NTMT1: variants seen among roughly 807,000 people sequenced by gnomAD.
The protein encoded by NTMT1 is N-terminal Xaa-Pro-Lys N-methyltransferase 1.
NTMT1 carries 8 observed loss-of-function variants against 17.5 expected under a neutral mutation model. The observed-to-expected ratio is 0.46, with a 90% CI of 0.27 to 0.82. The LOEUF (loss-of-function observed/expected upper bound fraction) is 0.82. Ranked by LOEUF, NTMT1 falls within the 40% of genes least tolerant of loss-of-function variation. NTMT1 has a pLI of 0.15. For synonymous variants in NTMT1, 128 were observed against 126.8 expected (o/e 1.01, Z -0.06); for missense variants, 221 against 303.5 (o/e 0.73, Z 2.02).
intron 2 of NTMT1, 97 bp downstream of exon 2, chr9:129,632,962 G>A: frequency 7.1e-7 from 1 of 1,402,482 alleles, no homozygotes; most frequent in Non-Finnish European, 9.8e-7. Context: ...TAACACTGCA[G>A]GATTGTTGGC....
intron 1 of NTMT1, among the ~76,000 whole-genome samples, chr9:129,610,296 C>A (rs1378595279): frequency 6.2e-5 from 8 of 129,564 alleles, no homozygotes; most frequent in Admixed American, 7.9e-5. Flanking sequence ...TCCCTGCAGG[C>A]CCCGCCCCCC....
In NTMT1 at chr9:129,613,631, C is replaced by T; in HGVS notation, c.-55+4453C>T. On this transcript the variant is annotated intron_variant, in intron 1 of 3. Transcript: ENST00000372486. The surrounding 1 kb of genome is among the most constrained non-coding windows in gnomAD (Gnocchi z 6.2). ...AAGAGGGCAGGGTGAGATCTCTGCC[C>T]AGGAGGAGGGCACTGGTGCCCCCAC... The T allele has an allele frequency of 2.5e-6, 4 of 1,612,756 alleles. No individual in the cohort carries two copies. Among genetic ancestry groups the T allele is most frequent in the Non-Finnish European group, 3.4e-6 (4 of 1,179,368 alleles).
intron 1 of NTMT1, among the ~76,000 whole-genome samples, chr9:129,610,366 G>A (rs1830086566): frequency 6.6e-6 from 1 of 151,450 alleles, no homozygotes; most frequent in Admixed American, 6.6e-5. Flanking sequence ...TCGCGGGGGC[G>A]CCGAGACCCG....
At position 129,620,546 on chromosome 9, in the gene NTMT1, GC is replaced by G. The variant is rs1271320098; in HGVS notation, c.-55+11372del. On this transcript the variant is annotated intron_variant, in intron 1 of 3. Coordinates refer to the NTMT1 transcript ENST00000372486. This position sits in a 1 kb window ranked among gnomAD's most constrained non-coding sequence, Gnocchi z 5.8. ...GAGCCCCTTGGGCGCCAGGTCCTGG[GC>G]CCCTGGGCGAAGTCGACGCCAGAAC... 5.0e-6 allele frequency: 7 copies of G among 1,402,976 alleles called. No homozygotes were observed. Among genetic ancestry groups the G allele is most frequent in the South Asian group, 1.5e-5 (1 of 64,656 alleles). The allele number at this position is 1,402,976 out of a possible 1,614,324, so 86.9% of individuals were successfully genotyped here. A position where few individuals can be genotyped will look rare whatever the true frequency, so the allele number is the denominator to read the frequency against.
intron 1 of NTMT1, chr9:129,619,890 T>G (rs1588124048): frequency 1.3e-6 from 2 of 1,575,782 alleles, no homozygotes; most frequent in African/African-American, 2.7e-5. Flanking sequence ...TCTAGTCATG[T>G]GGCCTCGGGG....
At chr9:129,633,765 C>T (rs1274857145) in intron 2 of NTMT1, 5 of 295,738 alleles carry the variant, frequency 1.7e-5, no homozygotes, top group Admixed American at 1.0e-4. Context: ...CCCAGGAGTT[C>T]GAGGCTACAG....
intron 1 of NTMT1, among the ~76,000 whole-genome samples, chr9:129,619,199 G>C (rs780715423): frequency 2.6e-5 from 4 of 152,308 alleles, no homozygotes; most frequent in Non-Finnish European, 5.9e-5. Flanking sequence ...TCATGAACGG[G>C]TTGTAGAAGA....
At chr9:129,631,409 G>A (rs1345206679) in intron 1 of NTMT1, among the ~76,000 whole-genome samples, 3 of 152,234 alleles carry the variant, frequency 2.0e-5, no homozygotes, top group South Asian at 2.1e-4. Flanking sequence ...ATGGCCACCC[G>A]TGGAGCACGG....
At chr9:129,611,617 G>A (rs1400550868) in intron 1 of NTMT1, among the ~76,000 whole-genome samples, 1 of 152,180 alleles carries the variant, frequency 6.6e-6, no homozygotes, top group East Asian at 1.9e-4. Flanking sequence ...GAGGCTTGGT[G>A]GGGGAGGACA....
In NTMT1 at chr9:129,620,106, G is replaced by A; in HGVS notation, c.-55+10928G>A. On this transcript the variant is annotated intron_variant, in intron 1 of 3. Transcript: ENST00000372486. This position sits in a 1 kb window ranked among gnomAD's most constrained non-coding sequence, Gnocchi z 5.8. ...TCCTCGGCGCACTTCTCCTGGAGCT[G>A]GTGCAGGAACTCACGGAACCTGCTG... 1.4e-6 allele frequency: 2 copies of A among 1,451,244 alleles called. No homozygotes were observed. Among genetic ancestry groups the A allele is most frequent in the Non-Finnish European group, 1.8e-6 (2 of 1,099,488 alleles). 89.9% of individuals were successfully genotyped at this position (1,451,244 alleles called of 1,614,324 possible).
At chr9:129,632,940 C>A in intron 2 of NTMT1, 75 bp downstream of exon 2, 1 of 1,501,824 alleles carries the variant, frequency 6.7e-7, no homozygotes, top group Non-Finnish European at 9.1e-7. Flanking sequence ...GGGGTGCCAC[C>A]TTTTACACAT....
At chr9:129,628,409 T>G (rs963426322) in intron 1 of NTMT1, 1 of 152,190 alleles carries the variant, frequency 6.6e-6, no homozygotes, top group Non-Finnish European at 1.5e-5. Flanking sequence ...TAAATTAGAT[T>G]ATTCAGGGGA....
At position 129,613,679 on chromosome 9, in the gene NTMT1, G is replaced by A; in HGVS notation, c.-55+4501G>A. 6.4e-7 allele frequency: 1 copy of A among 1,559,124 alleles called. No homozygotes were observed. Among genetic ancestry groups the A allele is most frequent in the African/African-American group, 1.3e-5 (1 of 74,208 alleles). On this transcript the variant is annotated intron_variant, in intron 1 of 3. Transcript: ENST00000372486. The surrounding 1 kb of genome is among the most constrained non-coding windows in gnomAD (Gnocchi z 6.2). ...CACCCTCTTTTCCTCCCTCTGGCAGGCAGGGCCGGTCAGAGCCCTGTCTCC... is the reference window on the plus strand; with the variant it reads ...CACCCTCTTTTCCTCCCTCTGGCAGACAGGGCCGGTCAGAGCCCTGTCTCC...
intron 1 of NTMT1, among the ~76,000 whole-genome samples, chr9:129,615,308 G>A (rs1480299534): frequency 6.6e-6 from 1 of 152,196 alleles, no homozygotes; most frequent in East Asian, 1.9e-4. Flanking sequence ...CTTGGTCTTC[G>A]AAGGTCAACC....
In NTMT1 at chr9:129,620,604, C is replaced by A; in HGVS notation, c.-55+11426C>A. 1.5e-6 allele frequency: 2 copies of A among 1,311,290 alleles called. No homozygotes were observed. Among genetic ancestry groups the A allele is most frequent in the East Asian group, 2.8e-5 (1 of 35,254 alleles). The allele number at this position is 1,311,290 out of a possible 1,614,324, so 81.2% of individuals were successfully genotyped here. A position where few individuals can be genotyped will look rare whatever the true frequency, so the allele number is the denominator to read the frequency against. On this transcript the variant is annotated intron_variant, in intron 1 of 3. Coordinates refer to the NTMT1 transcript ENST00000372486. This position sits in a 1 kb window ranked among gnomAD's most constrained non-coding sequence, Gnocchi z 5.8. ...GGCCCCGCACTCAGCTCACCGCACCCTCAGCGCGCGTGGGTGGGGGGCGCC... is the reference window on the plus strand; with the variant it reads ...GGCCCCGCACTCAGCTCACCGCACCATCAGCGCGCGTGGGTGGGGGGCGCC...
intron 1 of NTMT1, chr9:129,612,540 C>T: frequency 9.6e-7 from 1 of 1,040,986 alleles, no homozygotes; most frequent in Admixed American, 2.1e-5. Context: ...TGCTGAAGCC[C>T]TGTTGGGCAG....
intron 2 of NTMT1, chr9:129,633,379 G>T (rs972167640): frequency 1.3e-5 from 3 of 222,648 alleles, no homozygotes; most frequent in Non-Finnish European, 2.6e-5. Flanking sequence ...CTCCCTCCAT[G>T]TTCCCTCTCT....
intron 1 of NTMT1, among the ~76,000 whole-genome samples, chr9:129,617,981 G>A (rs1340290633): frequency 6.6e-6 from 1 of 152,226 alleles, no homozygotes; most frequent in East Asian, 1.9e-4. Flanking sequence ...ACCATGCTTG[G>A]CCATGTGTTC....
At chr9:129,632,568 C>A in intron 1 of NTMT1, 82 bp from the exon 2 acceptor site, 1 of 966,366 alleles carries the variant, frequency 1.0e-6, no homozygotes, top group Non-Finnish European at 1.5e-6. Flanking sequence ...CTTGTGAAGC[C>A]TGGTGTGAGA....
Sources: gnomAD v4.1 joint callset for allele counts (sites outside exome capture counted in the v4.1 genomes callset) on GRCh38, gnomAD v4.1.1 for gene constraint, Gnocchi (gnomAD v3.1) non-coding constraint, MANE v1.5 for transcripts, NCBI Gene and HGNC (gene_info 2026-07-23, HGNC 2026-07-21) for gene names.